PLCZ1: variants seen among roughly 807,000 people sequenced by gnomAD.
The protein encoded by PLCZ1 is phospholipase C zeta 1, also known as 1-phosphatidylinositol 4,5-bisphosphate phosphodiesterase zeta-1.
PLCZ1 carries 64 observed loss-of-function variants against 76.8 expected under a neutral mutation model. That is an observed-to-expected ratio of 0.83 (90% CI 0.68 to 1.03). The LOEUF is 1.03. Among genes scored for constraint, PLCZ1 ranks in the 50% least tolerant of loss-of-function variants. PLCZ1 has a pLI of 0.00. For synonymous variants in PLCZ1, 248 were observed against 230.8 expected (o/e 1.07, Z -0.68); for missense variants, 751 against 713.7 (o/e 1.05, Z -0.60).
chr12:18,696,871 C>T (rs1374512903), intron 10 of PLCZ1, among the ~76,000 whole-genome samples: 1 of 152,100 alleles, frequency 6.6e-6, no homozygotes, highest in African/African-American at 2.4e-5. Context: ...ACTTTCAATG[C>T]TTTTAATTAT....
the PLCZ1 span, among the ~76,000 whole-genome samples, chr12:18,662,703 A>G: frequency 6.6e-6 from 1 of 152,124 alleles, no homozygotes; most frequent in Non-Finnish European, 1.5e-5. Flanking sequence ...TGAAGCATCA[A>G]TAACTGAAAA....
At chr12:18,651,408 C>A in the PLCZ1 span, among the ~76,000 whole-genome samples, 18 of 152,136 alleles carry the variant, frequency 1.2e-4, no homozygotes, top group Admixed American at 5.2e-4. Context: ...ATGCACTTAT[C>A]ATCTTTGAAT....
At chr12:18,695,611 T>C (rs11044254) in intron 11 of PLCZ1, among the ~76,000 whole-genome samples, 45,645 of 151,614 alleles carry the variant, frequency 0.3, 7,684 homozygotes, top group East Asian at 0.47. Flanking sequence ...TCCCCCCTCC[T>C]CACACCTACA....
At chr12:18,736,720 C>T in intron 2 of PLCZ1, 1 of 1,273,834 alleles carries the variant, frequency 7.9e-7, no homozygotes, top group African/African-American at 1.5e-5. Flanking sequence ...GTTCTCTCTT[C>T]CAGAAAGGTG....
At chr12:18,650,696 GTGTGTGTGTATATATCTA>G in the PLCZ1 span, among the ~76,000 whole-genome samples, 812 of 43,588 alleles carry the variant, frequency 0.019, 68 homozygotes, top group Admixed American at 0.033. Context: ...GTGTGTGTGT[GTGTGTGTGTATATATCTA>G]TATATATATA....
intron 6 of PLCZ1, 92 bp downstream of exon 6, chr12:18,712,750 A>C (rs1957491519): frequency 1.4e-6 from 2 of 1,450,168 alleles, no homozygotes; most frequent in Non-Finnish European, 1.9e-6. Flanking sequence ...AATATCATCT[A>C]AAGTAAGGCT....
chr12:18,734,636 C>T (rs1959182078), intron 3 of PLCZ1, among the ~76,000 whole-genome samples: 1 of 152,196 alleles, frequency 6.6e-6, no homozygotes, highest in Non-Finnish European at 1.5e-5. Flanking sequence ...CAGGCATGAG[C>T]CACCACACCC....
intron 3 of PLCZ1, among the ~76,000 whole-genome samples, chr12:18,731,410 T>C (rs1959040201): frequency 6.6e-6 from 1 of 152,084 alleles, no homozygotes; most frequent in African/African-American, 2.4e-5. Context: ...ACCTACTCTA[T>C]AATGCAACTC....
chr12:18,705,206 T>C lies in PLCZ1; in HGVS notation c.824A>G (p.Asp275Gly). ...AGTATCAGGAAAATCATCAAGCATATCAGAAAGCAAGGACTCTCCAAAAGT... is the reference window on the plus strand; with the variant it reads ...AGTATCAGGAAAATCATCAAGCATACCAGAAAGCAAGGACTCTCCAAAAGT... ...QATFGESLLS[D>G]MLDDFPDTLP... The change falls in exon 7 of 15, where the codon GAT becomes GGT. Residue 275 changes from aspartate (D) to glycine (G), a missense_variant. Coordinates refer to ENST00000266505, the MANE Select transcript of PLCZ1 (RefSeq NM_033123.4). 1 of 1,613,908 alleles carries C rather than the reference T, an allele frequency of 6.2e-7. No homozygotes were observed. Among genetic ancestry groups the C allele is most frequent in the Non-Finnish European group, 8.5e-7 (1 of 1,179,986 alleles).
chr12:18,732,744 T>G (rs1210475698), intron 3 of PLCZ1, among the ~76,000 whole-genome samples: 1 of 152,254 alleles, frequency 6.6e-6, no homozygotes, highest in Non-Finnish European at 1.5e-5. Flanking sequence ...GTCTGGCTTA[T>G]TTCCCTTAAT....
chr12:18,679,413 C>T (rs1027530839), downstream of PLCZ1, among the ~76,000 whole-genome samples: 3 of 151,986 alleles, frequency 2.0e-5, no homozygotes, highest in African/African-American at 7.2e-5. Context: ...CTAGAAGTTT[C>T]ATAACTTTAG....
chr12:18,649,054 T>G, the PLCZ1 span, among the ~76,000 whole-genome samples: 1 of 152,128 alleles, frequency 6.6e-6, no homozygotes, highest in Non-Finnish European at 1.5e-5. Context: ...ATGGGCTCAT[T>G]TGAAATACGT....
the PLCZ1 span, among the ~76,000 whole-genome samples, chr12:18,647,453 G>GA: frequency 3.9e-3 from 496 of 127,584 alleles, 3 homozygotes; most frequent in Middle Eastern, 8.7e-3. Context: ...ATCTAAAATT[G>GA]AAAAAAAAAA....
intron 3 of PLCZ1, among the ~76,000 whole-genome samples, chr12:18,725,856 T>C (rs1166784274): frequency 3.3e-5 from 5 of 152,130 alleles, no homozygotes; most frequent in Non-Finnish European, 5.9e-5. Flanking sequence ...CTTGAAAAAG[T>C]GTCACCCACT....
chr12:18,668,733 T>A, the PLCZ1 span, among the ~76,000 whole-genome samples: 97 of 152,268 alleles, frequency 6.4e-4, 1 homozygote, highest in African/African-American at 2.2e-3. Context: ...TGGGTAGAAG[T>A]GCTCACACCC....
At position 18,737,363 on chromosome 12, in the gene PLCZ1, C is replaced by T; in HGVS notation, c.9G>A (p.Met3Ile). Residue 3 changes from methionine (M) to isoleucine (I), a missense_variant and splice_region_variant, in exon 2 of 15, where the codon ATG becomes ATA. By Grantham distance (10) the Met-to-Ile change is conservative (BLOSUM62 1). Coordinates refer to ENST00000266505, the MANE Select transcript of PLCZ1 (RefSeq NM_033123.4). Reference protein sequence around the residue: MEMRWFLSKIQDD... With the variant: MEIRWFLSKIQDD... ...AGAAAGAAGCTCTCAATGGATATCT[C>T]ATTTCCATAGTTTCATGACCTGTAG... is the stretch of plus-strand genomic sequence containing the variant. 1 of 1,613,306 alleles carries T rather than the reference C, an allele frequency of 6.2e-7. No individual in the cohort carries two copies. Among genetic ancestry groups the T allele is most frequent in the South Asian group, 1.1e-5 (1 of 91,066 alleles).
At chr12:18,701,663 C>T (rs202160995) in intron 8 of PLCZ1, 29 bp downstream of exon 8, 2 of 1,605,218 alleles carry the variant, frequency 1.2e-6, no homozygotes, top group Admixed American at 3.4e-5. Context: ...CTCCATCTGC[C>T]ACTTCTTCTT....
Position 18,734,343 on chromosome 12 carries a change from TTTGTTG to T in PLCZ1, c.135+1872_135+1877del, listed in dbSNP as rs747838079. Among the ~76,000 whole-genome samples the T allele has an allele frequency of 4.6e-4, 70 of 151,962 alleles. 1 individual carries two copies. Among genetic ancestry groups the T allele is most frequent in the African/African-American group, 1.4e-3 (57 of 41,474 alleles). On this transcript the variant is annotated intron_variant, in intron 3 of 14. Coordinates refer to ENST00000266505, the MANE Select transcript of PLCZ1 (RefSeq NM_033123.4). ...GAATTTAATAGTTCTAGTAGTTGTT[TTTGTTG>T]TTGTTGTTGTTGTTGTTGTTTTGAG...
At chr12:18,687,007 G>A (rs1262160078) in intron 13 of PLCZ1, among the ~76,000 whole-genome samples, 1 of 151,914 alleles carries the variant, frequency 6.6e-6, no homozygotes, top group African/African-American at 2.4e-5. Context: ...GAGGATGGAG[G>A]GAACAAGAGA....
Sources: gnomAD v4.1 joint callset for allele counts (sites outside exome capture counted in the v4.1 genomes callset) on GRCh38, gnomAD v4.1.1 for gene constraint, MANE v1.5 for transcripts, NCBI Gene and HGNC (gene_info 2026-07-23, HGNC 2026-07-21) for gene names.